Variants in SLC4A5 observed in about 807,000 individuals in gnomAD.
SLC4A5 encodes the protein electrogenic sodium bicarbonate cotransporter 4.
In SLC4A5, 96 loss-of-function variants were observed where a neutral mutation model predicts 120.4. The ratio of observed to expected loss-of-function variants is 0.80; its 90% CI spans 0.68 to 0.94. The LOEUF is 0.94. Ranked by LOEUF, SLC4A5 falls within the 40% of genes least tolerant of loss-of-function variation. SLC4A5 has a pLI of 0.00. For missense variants in SLC4A5, 1,259 were observed against 1,459.5 expected, an observed-to-expected ratio of 0.86 and a Z score of 2.24; for synonymous variants, 550 against 571.1, an observed-to-expected ratio of 0.96 and a Z score of 0.53.
At chr2:74,221,652 G>C in intron 29 of SLC4A5, 151 bp from the exon 30 acceptor site, 2 of 765,694 alleles carry the variant, frequency 2.6e-6, no homozygotes. Context: ...GTGTGGCTTC[G>C]GGCTTAGTTA....
rs1000251787 is a variant in SLC4A5, at chr2:74,260,575, C to T, written c.812-932G>A. 2.8e-4 allele frequency among the ~76,000 whole-genome samples: 42 copies of T among 152,134 alleles called. 1 individual carries two copies. The highest frequency in any genetic ancestry group is 5.9e-5 in the Non-Finnish European group (4 of 68,034). ...CCCCAAATCACTTTCCTCATGGACA[C>T]ATTCCACTCAATGCCCCTCCCTCCC... On this transcript the variant is annotated intron_variant, in intron 11 of 30. Coordinates refer to ENST00000394019, the Ensembl canonical transcript of SLC4A5.
intron 17 of SLC4A5, 57 bp downstream of exon 17, chr2:74,250,286 T>C: frequency 6.4e-7 from 1 of 1,566,336 alleles, no homozygotes; most frequent in Non-Finnish European, 8.7e-7. Flanking sequence ...AGCTTCCTGC[T>C]GCCACCAGGT....
intron 6 of SLC4A5, among the ~76,000 whole-genome samples, chr2:74,314,319 T>A (rs1325685213): frequency 2.0e-5 from 3 of 152,156 alleles, no homozygotes; most frequent in South Asian, 2.1e-4. Flanking sequence ...TCAGGACATG[T>A]GCCAAGTTCT....
At chr2:74,283,081 C>T (rs914290634) in intron 8 of SLC4A5, among the ~76,000 whole-genome samples, 4 of 152,188 alleles carry the variant, frequency 2.6e-5, no homozygotes, top group Admixed American at 1.3e-4. Context: ...AGAATTGCTT[C>T]CAGACCTATG....
chr2:74,217,211 G>A (rs1006694377), exon 31 of SLC4A5: 11 of 152,140 alleles, frequency 7.2e-5, no homozygotes, highest in African/African-American at 2.2e-4. Context: ...CTAACCTCAA[G>A]GTTCAAGTGA....
rs1164878621 is a variant in SLC4A5, at chr2:74,307,819, C to A, written c.80-3139G>T. 53 of 389,248 alleles carry A rather than the reference C, an allele frequency of 1.4e-4. 1 individual carries two copies. Among genetic ancestry groups the A allele is most frequent in the Admixed American group, 3.9e-4 (12 of 30,670 alleles). The allele number at this position is 389,248 out of a possible 1,614,324, so 24.1% of individuals were successfully genotyped here. ...GGCCAGACCCCCAGCCATCCCCATG[C>A]CAGGCCCCCAGACCCCATGCCACCC... On this transcript the variant is annotated intron_variant, in intron 6 of 30. Transcript: ENST00000394019.
At chr2:74,282,718 T>C (rs151206528) in intron 8 of SLC4A5, among the ~76,000 whole-genome samples, 29 of 152,344 alleles carry the variant, frequency 1.9e-4, no homozygotes, top group African/African-American at 7.0e-4. Context: ...CATAAGGCCT[T>C]CTTGGCAAGG....
intron 30 of SLC4A5, among the ~76,000 whole-genome samples, chr2:74,219,217 G>GTT (rs1694543942): frequency 9.4e-6 from 1 of 106,480 alleles, no homozygotes; most frequent in Non-Finnish European, 1.8e-5. Context: ...GTGTGTGTGT[G>GTT]TGTTTGTGTG....
intron 8 of SLC4A5, among the ~76,000 whole-genome samples, chr2:74,275,473 T>G (rs905464712): frequency 7.9e-5 from 12 of 152,228 alleles, no homozygotes; most frequent in Non-Finnish European, 1.5e-4. Context: ...CGCAGTGGTC[T>G]GCCTCCCTCA....
At chr2:74,244,756 G>A (rs543394570) in intron 19 of SLC4A5, among the ~76,000 whole-genome samples, 5 of 152,186 alleles carry the variant, frequency 3.3e-5, no homozygotes, top group African/African-American at 9.6e-5. Flanking sequence ...CAGAGTTTCC[G>A]ATTCAGCAGG....
At chr2:74,241,908 T>G (rs1670460756) in intron 20 of SLC4A5, 86 bp downstream of exon 20, 1 of 1,271,626 alleles carries the variant, frequency 7.9e-7, no homozygotes, top group Non-Finnish European at 1.1e-6. Flanking sequence ...TGGGAGGCCA[T>G]AAGTTGGTCT....
chr2:74,258,800 G>C (rs552086475), intron 12 of SLC4A5, among the ~76,000 whole-genome samples: 1 of 152,152 alleles, frequency 6.6e-6, no homozygotes, highest in Non-Finnish European at 1.5e-5. Context: ...TAATTTATTT[G>C]TGCCCGGGAC....
chr2:74,278,701 G>A (rs751326860), intron 8 of SLC4A5, among the ~76,000 whole-genome samples: 4 of 152,148 alleles, frequency 2.6e-5, no homozygotes, highest in Non-Finnish European at 4.4e-5. Context: ...CATAGAGAGA[G>A]GGAAGGACCA....
At chr2:74,283,940 G>A (rs1015938831) in intron 8 of SLC4A5, among the ~76,000 whole-genome samples, 1 of 151,562 alleles carries the variant, frequency 6.6e-6, no homozygotes, top group African/African-American at 2.4e-5. Context: ...CCTGGCTCAG[G>A]TGATCTCCCA....
Position 74,316,693 on chromosome 2 carries a change from AGC to A in SLC4A5, c.-2-1670_-2-1669del, listed in dbSNP as rs1453326742. On this transcript the variant is annotated intron_variant, in intron 5 of 30. Transcript: ENST00000394019. ...TGCCACACGGTTTTTCTTTTCCTCT[AGC>A]AGCTAAGCAAGCACTGGCCTTGAGA... Among the ~76,000 whole-genome samples the A allele has an allele frequency of 2.0e-5, 3 of 152,338 alleles. No individual in the cohort carries two copies. The East Asian group carries it at 5.8e-4, about 29-fold the overall frequency.
chr2:74,250,919 T>C (rs1670771605), intron 16 of SLC4A5: 2 of 180,426 alleles, frequency 1.1e-5, no homozygotes, highest in South Asian at 2.7e-4. Flanking sequence ...TCCCAGATTA[T>C]AACAGATTCA....
intron 6 of SLC4A5, among the ~76,000 whole-genome samples, chr2:74,312,769 C>A (rs1573092888): frequency 6.6e-6 from 1 of 151,968 alleles, no homozygotes; most frequent in Non-Finnish European, 1.5e-5. Context: ...CTCATCTCTA[C>A]TAAAAATATA....
chr2:74,279,124 G>A (rs1054693952), intron 8 of SLC4A5, among the ~76,000 whole-genome samples: 11 of 152,182 alleles, frequency 7.2e-5, no homozygotes, highest in Admixed American at 2.0e-4. Flanking sequence ...CTCAGACTTC[G>A]CTGACCCTCA....
At position 74,227,673 on chromosome 2, in the gene SLC4A5, A is replaced by G. The variant is rs186430439; in HGVS notation, c.2916+137T>C. The G allele has an allele frequency of 9.0e-4, 1,020 of 1,130,476 alleles. 4 individuals are homozygous for G. Among genetic ancestry groups the G allele is most frequent in the Non-Finnish European group, 8.9e-4 (697 of 784,704 alleles). The allele number at this position is 1,130,476 out of a possible 1,614,324, so 70.0% of individuals were successfully genotyped here. On this transcript the variant is annotated intron_variant, in intron 26 of 30. Transcript: ENST00000394019. ...GATAGCATCAGTAAGTGGTAGTATC[A>G]TTATTACTATTATTCTTTCATTGAA...
Sources: allele counts gnomAD v4.1 joint callset (sites outside exome capture counted in the v4.1 genomes callset), GRCh38; gene constraint gnomAD v4.1.1; transcripts MANE v1.5; gene names NCBI Gene and HGNC (gene_info 2026-07-23, HGNC 2026-07-21).